Variants in SPAG16 observed in about 807,000 individuals in gnomAD.
SPAG16 encodes sperm-associated antigen 16 protein.
In SPAG16, 86 loss-of-function variants were observed where a neutral mutation model predicts 80.4. The ratio of observed to expected loss-of-function variants is 1.07; its 90% CI spans 0.90 to 1.28. SPAG16 has a LOEUF of 1.28. Among genes scored for constraint, SPAG16 ranks in the 50% most tolerant of loss-of-function variants. SPAG16 has a pLI of 0.00. For synonymous variants in SPAG16, 294 were observed against 265.9 expected, an observed-to-expected ratio of 1.11 and a Z score of -1.03; for missense variants, 870 against 765.3, an observed-to-expected ratio of 1.14 and a Z score of -1.61.
chr2:214,028,886 C>T (rs1334435175), intron 13 of SPAG16, among the ~76,000 whole-genome samples: 3 of 151,950 alleles, frequency 2.0e-5, no homozygotes, highest in Non-Finnish European at 4.4e-5. Flanking sequence ...ATCAATCATT[C>T]AACACGTAAG....
At chr2:213,921,546 C>T (rs1475445814) in intron 11 of SPAG16, among the ~76,000 whole-genome samples, 2 of 152,120 alleles carry the variant, frequency 1.3e-5, no homozygotes, top group African/African-American at 4.8e-5. Context: ...GGTTACTATT[C>T]ATATGTACGA....
intron 10 of SPAG16, among the ~76,000 whole-genome samples, chr2:213,694,294 G>C (rs978150053): frequency 6.6e-6 from 1 of 152,118 alleles, no homozygotes; most frequent in Non-Finnish European, 1.5e-5. Flanking sequence ...TTCTGTAATC[G>C]AGCTGTATCA....
intron 9 of SPAG16, among the ~76,000 whole-genome samples, chr2:213,418,701 G>A (rs909805725): frequency 1.3e-5 from 2 of 152,010 alleles, no homozygotes; most frequent in African/African-American, 4.8e-5. Flanking sequence ...TAATGCTTCA[G>A]GATTACTGTA....
intron 10 of SPAG16, among the ~76,000 whole-genome samples, chr2:213,681,106 G>T (rs2064355435): frequency 6.6e-6 from 1 of 152,158 alleles, no homozygotes; most frequent in Admixed American, 6.6e-5. Flanking sequence ...GCTCTTATTT[G>T]ATTGTCTCCT....
At chr2:214,246,940 T>C (rs1322164649) in intron 15 of SPAG16, among the ~76,000 whole-genome samples, 5 of 152,178 alleles carry the variant, frequency 3.3e-5, no homozygotes, top group African/African-American at 4.8e-5. Context: ...TTAAGTGCCT[T>C]GAATTGTTTC....
rs1553677674 is a variant in SPAG16, at chr2:213,949,179, T to TTTTTTTTTTTTTTTTTTTTGTTTTG, written c.1400+19048_1400+19049insTTTTTGTTTTGTTTTTTTTTTTTTT. On this transcript the variant is annotated intron_variant, in intron 12 of 15. Transcript: ENST00000331683. ...TACTTAATTACAACAGTTTTTTTTT[T>TTTTTTTTTTTTTTTTTTTTGTTTTG]TTTTTTTTTTTTTTGAGGTAGAGTC... Among the ~76,000 whole-genome samples, 233 of 36,158 alleles carry TTTTTTTTTTTTTTTTTTTTGTTTTG rather than the reference T, an allele frequency of 6.4e-3. 5 individuals are homozygous for TTTTTTTTTTTTTTTTTTTTGTTTTG. Among genetic ancestry groups the TTTTTTTTTTTTTTTTTTTTGTTTTG allele is most frequent in the East Asian group, 0.01 (10 of 960 alleles). The allele number at this position is 36,158 out of a possible 152,430, so 23.7% of individuals were successfully genotyped here.
intron 14 of SPAG16, among the ~76,000 whole-genome samples, chr2:214,124,746 A>G (rs2054393978): frequency 6.6e-6 from 1 of 151,808 alleles, no homozygotes. Flanking sequence ...GGGCAGAACA[A>G]GAGAGTCTGC....
intron 15 of SPAG16, among the ~76,000 whole-genome samples, chr2:214,259,895 A>T (rs1025640489): frequency 2.0e-5 from 3 of 152,164 alleles, no homozygotes; most frequent in East Asian, 3.9e-4. Context: ...CTTTGACCAG[A>T]TCTTTCCATT....
chr2:213,708,392 G>T (rs954007273), intron 10 of SPAG16, among the ~76,000 whole-genome samples: 2 of 152,166 alleles, frequency 1.3e-5, no homozygotes, highest in Non-Finnish European at 2.9e-5. Flanking sequence ...TTCAGTCAAA[G>T]ATTTCAATAT....
chr2:213,655,862 G>A (rs1433396720), intron 10 of SPAG16, among the ~76,000 whole-genome samples: 1 of 152,172 alleles, frequency 6.6e-6, no homozygotes, highest in Non-Finnish European at 1.5e-5. Context: ...AATTTCATAA[G>A]TGAAAAGGAA....
intron 10 of SPAG16, among the ~76,000 whole-genome samples, chr2:213,807,719 A>T (rs913673553): frequency 3.3e-5 from 5 of 152,332 alleles, no homozygotes; most frequent in Middle Eastern, 3.4e-3. Flanking sequence ...ACTTCTGCTT[A>T]GGGCAGTAAT....
chr2:213,854,916 A>G lies in SPAG16; in HGVS notation c.1071-7569A>G, dbSNP rs561136085. ...AAAGTTTTGTTGGAACACATCCTTA[A>G]TCATTCGTTTATGTTTTGTCTATGT... On this transcript the variant is annotated intron_variant, in intron 10 of 15. Transcript: ENST00000331683. 4.7e-4 allele frequency among the ~76,000 whole-genome samples: 71 copies of G among 152,354 alleles called. No individual in the cohort carries two copies. The South Asian group carries it at 0.014, about 30-fold the overall frequency.
At chr2:213,476,709 C>A (rs2073415943) in intron 9 of SPAG16, among the ~76,000 whole-genome samples, 1 of 152,220 alleles carries the variant, frequency 6.6e-6, no homozygotes, top group South Asian at 2.1e-4. Flanking sequence ...GGCTTCTTCA[C>A]TCCCATAGCT....
Position 214,112,752 on chromosome 2 carries a change from T to C in SPAG16, c.1593+4491T>C, listed in dbSNP as rs148721809. Reference sequence around the variant, plus strand: ...GATGGGTCTCCTGAATACAGCACACTGATGGCTCTTGATTCTTTATCGAAC... The same window carrying C: ...GATGGGTCTCCTGAATACAGCACACCGATGGCTCTTGATTCTTTATCGAAC... On this transcript the variant is annotated intron_variant, in intron 14 of 15. Coordinates refer to ENST00000331683, the MANE Select transcript of SPAG16 (RefSeq NM_024532.5). 8.3e-3 allele frequency among the ~76,000 whole-genome samples: 1,259 copies of C among 150,844 alleles called. 19 individuals carry two copies. Among genetic ancestry groups the C allele is most frequent in the African/African-American group, 0.029 (1,196 of 41,192 alleles).
In SPAG16 at chr2:214,318,756, A is replaced by G. The variant is rs571565830; in HGVS notation, c.1721-91384A>G. On this transcript the variant is annotated intron_variant, in intron 15 of 15. Coordinates refer to ENST00000331683, the MANE Select transcript of SPAG16 (RefSeq NM_024532.5). ...GCCTAAGCAACAGGGTAGTAGGGTA[A>G]GGTTGCAAGTGGGCAAGCAGAGGTA... Among the ~76,000 whole-genome samples, 8 of 152,196 alleles carry G rather than the reference A, an allele frequency of 5.3e-5. No homozygotes were observed. In the Middle Eastern group the frequency reaches 0.01, roughly 194 times the overall value.
At chr2:214,091,089 C>T (rs2052162266) in intron 13 of SPAG16, among the ~76,000 whole-genome samples, 1 of 151,948 alleles carries the variant, frequency 6.6e-6, no homozygotes, top group South Asian at 2.1e-4. Context: ...AAAACAAAAT[C>T]CAAGTTTCTC....
intron 12 of SPAG16, among the ~76,000 whole-genome samples, chr2:214,009,181 T>G (rs2047172457): frequency 6.6e-6 from 1 of 152,128 alleles, no homozygotes; most frequent in Non-Finnish European, 1.5e-5. Flanking sequence ...TCATGGTGAA[T>G]CCTCACACAA....
At chr2:213,394,177 C>CT (rs1559085094) in intron 9 of SPAG16, among the ~76,000 whole-genome samples, 1 of 151,804 alleles carries the variant, frequency 6.6e-6, no homozygotes, top group Non-Finnish European at 1.5e-5. Context: ...ATGTTCATAT[C>CT]TTTTTTAGCA....
rs1404640593 is a variant in SPAG16 at position 213,911,269 on chromosome 2, C to T, written c.1215-18691C>T. ...CAAGTAATCCTCCCACCTTGGCCTC[C>T]CAGTAGCTATGACTACAGGCACACA... On this transcript the variant is annotated intron_variant, in intron 11 of 15. Transcript: ENST00000331683. Among the ~76,000 whole-genome samples the T allele has an allele frequency of 2.0e-5, 3 of 152,160 alleles. No homozygotes were observed. The East Asian group carries it at 5.8e-4, about 29-fold the overall frequency.
Sources: gnomAD v4.1 joint callset for allele counts (sites outside exome capture counted in the v4.1 genomes callset) on GRCh38, gnomAD v4.1.1 for gene constraint, MANE v1.5 for transcripts, NCBI Gene and HGNC (gene_info 2026-07-23, HGNC 2026-07-21) for gene names.